The following TRIP13 variants were observed in gnomAD, a reference collection of about 807,000 sequenced individuals.
TRIP13 encodes thyroid hormone receptor interactor 13, also known as pachytene checkpoint protein 2 homolog.
TRIP13 carries 25 observed loss-of-function variants against 54.4 expected under a neutral mutation model. The observed-to-expected ratio is 0.46, with a 90% confidence interval of 0.33 to 0.64. The LOEUF (loss-of-function observed/expected upper bound fraction) is 0.64, where lower values mean the gene tolerates loss of function less well. Among genes scored for constraint, TRIP13 ranks in the 30% least tolerant of loss-of-function variants. The pLI is 0.02. For missense variants in TRIP13, 373 were observed against 534.2 expected (o/e 0.70, Z 2.97); for synonymous variants, 207 against 207.8 (o/e 1.00, Z 0.03).
downstream of TRIP13, chr5:919,002 CAG>C (rs1469770387): frequency 5.3e-5 from 8 of 152,168 alleles, no homozygotes; most frequent in African/African-American, 1.9e-4. Flanking sequence ...AGTTGACACT[CAG>C]TATTAACCAT....
intron 3 of TRIP13, 144 bp downstream of exon 3, chr5:896,938 A>G: frequency 1.9e-6 from 2 of 1,033,162 alleles, no homozygotes; most frequent in South Asian, 3.6e-5. Flanking sequence ...AATGGAAAGT[A>G]TATCACAAAA....
chr5:908,959 G>GA lies in TRIP13; in HGVS notation c.866+508dup, dbSNP rs1366456951. 8.3e-4 allele frequency: 127 copies of GA among 153,864 alleles called. No homozygotes were observed. The highest frequency in any genetic ancestry group is 3.0e-3 in the East Asian group (16 of 5,346). The allele number at this position is 153,864 out of a possible 1,614,324, so 9.5% of individuals were successfully genotyped here. ...GGTGACAGAGCAAGACTCCGTCTCA[G>GA]AAAAAAAAAATGTGAAAGAAAACTC... is the stretch of plus-strand genomic sequence containing the variant. On this transcript the variant is annotated intron_variant, in intron 9 of 12. Coordinates refer to ENST00000166345, the MANE Select transcript of TRIP13 (RefSeq NM_004237.4). The surrounding 1 kb of genome is among the most constrained non-coding windows in gnomAD (Gnocchi z 5.2).
rs1754147393 is a variant in TRIP13, at chr5:907,835, C to G, written c.673-153C>G. Among the ~76,000 whole-genome samples the G allele has an allele frequency of 6.6e-6, 1 of 152,208 alleles. No individual in the cohort carries two copies. The highest frequency in any genetic ancestry group is 2.4e-5 in the African/African-American group (1 of 41,456). On this transcript the variant is annotated intron_variant, in intron 7 of 12. Transcript: ENST00000166345. This position sits in a 1 kb window ranked among gnomAD's most constrained non-coding sequence, Gnocchi z 4.1. ...TAGGCTGACCTCCTCCCATGCTGCCCTAGCTTCTCTGATTTAGGGAGCTTT... is the reference window on the plus strand; with the variant it reads ...TAGGCTGACCTCCTCCCATGCTGCCGTAGCTTCTCTGATTTAGGGAGCTTT...
chr5:893,204 C>G lies in TRIP13; in HGVS notation c.92+114C>G, dbSNP rs989778685. ...TCTGATGCGACCGAACCCCAGGGTA[C>G]TGATCCGGCCCGACTGGACCCGGGC... is the stretch of plus-strand genomic sequence containing the variant. On this transcript the variant is annotated intron_variant, in intron 1 of 12. Transcript: ENST00000166345. The G allele has an allele frequency of 2.8e-6, 3 of 1,070,420 alleles. No homozygotes were observed. The South Asian group carries it at 4.4e-5, about 16-fold the overall frequency. The allele number at this position is 1,070,420 out of a possible 1,614,324, so 66.3% of individuals were successfully genotyped here.
At chr5:910,939 C>CT (rs1754217945) in intron 9 of TRIP13, among the ~76,000 whole-genome samples, 1 of 152,224 alleles carries the variant, frequency 6.6e-6, no homozygotes, top group South Asian at 2.1e-4. Flanking sequence ...CCTGCCCTCC[C>CT]TTGGCCAGGG....
rs755997099 is a variant in TRIP13, at chr5:916,166, C to T, written c.1203+193C>T. 6.1e-4 allele frequency among the ~76,000 whole-genome samples: 93 copies of T among 152,188 alleles called. 1 individual carries two copies. The highest frequency in any genetic ancestry group is 2.1e-4 in the Non-Finnish European group (14 of 68,026). On this transcript the variant is annotated intron_variant, in intron 12 of 12. Transcript: ENST00000166345. ...CTGTCTTGAGTCCTTTGGGAGGAGG[C>T]GGCTGTGCCACATGCCTCTGCTCAC...
At chr5:910,181 C>T (rs187083665) in intron 9 of TRIP13, among the ~76,000 whole-genome samples, 39 of 152,358 alleles carry the variant, frequency 2.6e-4, no homozygotes, top group African/African-American at 8.2e-4. Context: ...CCAGCAGCCC[C>T]GCATTCACAT....
In TRIP13 at chr5:911,804, G is replaced by T. The variant is rs759463254; in HGVS notation, c.867-39G>T. 3 of 1,587,544 alleles carry T rather than the reference G, an allele frequency of 1.9e-6. No individual in the cohort carries two copies. The highest frequency in any genetic ancestry group is 2.6e-6 in the Non-Finnish European group (3 of 1,165,560). ...GCAGGATAGAATTGGGTCACCGACA[G>T]CCGTGATGACTGTGGTGCTTGCTTC... On this transcript the variant is annotated intron_variant, in intron 9 of 12. Transcript: ENST00000166345. The surrounding 1 kb of genome is among the most constrained non-coding windows in gnomAD (Gnocchi z 4.7).
intron 3 of TRIP13, among the ~76,000 whole-genome samples, chr5:899,742 A>G (rs1270527474): frequency 1.4e-4 from 1 of 7,084 alleles, no homozygotes; most frequent in African/African-American, 1.6e-3. Context: ...GTGGGGAAAC[A>G]GGTGGATTTG....
In TRIP13 at chr5:911,749, A is replaced by G. The variant is rs1042959093; in HGVS notation, c.867-94A>G. On this transcript the variant is annotated intron_variant, in intron 9 of 12. Transcript: ENST00000166345. This position sits in a 1 kb window ranked among gnomAD's most constrained non-coding sequence, Gnocchi z 4.7. Reference sequence around the variant, plus strand: ...CCTTCCTGTTGGCAGCCTGCTGGCCATCGTCCTGCCAACCTCCTTGCCAGA... The same window carrying G: ...CCTTCCTGTTGGCAGCCTGCTGGCCGTCGTCCTGCCAACCTCCTTGCCAGA... 4 of 1,477,406 alleles carry G rather than the reference A, an allele frequency of 2.7e-6. No individual in the cohort carries two copies. Among genetic ancestry groups the G allele is most frequent in the Non-Finnish European group, 3.6e-6 (4 of 1,107,796 alleles). The allele number at this position is 1,477,406 out of a possible 1,614,324, so 91.5% of individuals were successfully genotyped here. A position where few individuals can be genotyped will look rare whatever the true frequency, so the allele number is the denominator to read the frequency against.
At chr5:907,000 T>C (rs1754128000) in intron 6 of TRIP13, 130 bp from the exon 7 acceptor site, 1 of 715,160 alleles carries the variant, frequency 1.4e-6, no homozygotes, top group Admixed American at 2.5e-5. Context: ...ATTCCTCAAT[T>C]CTTTGTCAGT....
At chr5:909,891 G>C (rs945172156) in intron 9 of TRIP13, among the ~76,000 whole-genome samples, 2 of 152,236 alleles carry the variant, frequency 1.3e-5, no homozygotes, top group African/African-American at 2.4e-5. Context: ...TTCCACCCTG[G>C]GCGGGCCAGG....
In TRIP13 at chr5:912,612, A is replaced by G. The variant is rs1451836088; in HGVS notation, c.1020+616A>G. On this transcript the variant is annotated intron_variant, in intron 10 of 12. Coordinates refer to ENST00000166345, the MANE Select transcript of TRIP13 (RefSeq NM_004237.4). The surrounding 1 kb of genome is among the most constrained non-coding windows in gnomAD (Gnocchi z 7.2). ...CAGTGACGTGCGGTGAGTGTGAGTC[A>G]GGAGGGCCGTCGCCACGGGCACAAT... Among the ~76,000 whole-genome samples the G allele has an allele frequency of 6.6e-6, 1 of 150,972 alleles. No individual in the cohort carries two copies. Among genetic ancestry groups the G allele is most frequent in the Non-Finnish European group, 1.5e-5 (1 of 67,856 alleles).
At chr5:909,503 A>T (rs537905054) in intron 9 of TRIP13, among the ~76,000 whole-genome samples, 2 of 152,258 alleles carry the variant, frequency 1.3e-5, no homozygotes, top group East Asian at 3.9e-4. Context: ...CTTCCTGAGA[A>T]GCGCTCGTTT....
At chr5:906,321 CA>C (rs1352990914) in intron 6 of TRIP13, among the ~76,000 whole-genome samples, 1 of 151,636 alleles carries the variant, frequency 6.6e-6, no homozygotes, top group African/African-American at 2.4e-5. Context: ...TTAGAAATGG[CA>C]AAAAGAAGTC....
intron 10 of TRIP13, among the ~76,000 whole-genome samples, chr5:914,034 C>T (rs1247375514): frequency 6.6e-6 from 1 of 152,100 alleles, no homozygotes; most frequent in African/African-American, 2.4e-5. Flanking sequence ...TTAAAACAGA[C>T]AAACTAGGAT....
chr5:895,644 T>C (rs1753897693), intron 2 of TRIP13, among the ~76,000 whole-genome samples: 1 of 152,218 alleles, frequency 6.6e-6, no homozygotes, highest in Non-Finnish European at 1.5e-5. Context: ...TGAGATCTGA[T>C]AATGCCGTGG....
chr5:916,707 C>T (rs1754347568), intron 12 of TRIP13, among the ~76,000 whole-genome samples: 1 of 152,220 alleles, frequency 6.6e-6, no homozygotes, highest in African/African-American at 2.4e-5. Flanking sequence ...TACAGCTTCT[C>T]ATCCTTCTCA....
rs1417305349 is a variant in TRIP13 at position 913,048 on chromosome 5, G to C, written c.1020+1052G>C. Among the ~76,000 whole-genome samples, 1 of 152,196 alleles carries C rather than the reference G, an allele frequency of 6.6e-6. No homozygotes were observed. The highest frequency in any genetic ancestry group is 2.4e-5 in the African/African-American group (1 of 41,456). On this transcript the variant is annotated intron_variant, in intron 10 of 12. Transcript: ENST00000166345. The surrounding 1 kb of genome is among the most constrained non-coding windows in gnomAD (Gnocchi z 4.5). ...CACTGGGCCTGCCCGGGTCAGCACT[G>C]TCCAGGCATGGTTTTCTTGGGGGTT...
Sources: allele counts gnomAD v4.1 joint callset (sites outside exome capture counted in the v4.1 genomes callset), GRCh38; gene constraint gnomAD v4.1.1; non-coding constraint Gnocchi (gnomAD v3.1); transcripts MANE v1.5; gene names NCBI Gene and HGNC (gene_info 2026-07-23, HGNC 2026-07-21).